TLR10: variants seen among roughly 807,000 people sequenced by gnomAD.
The protein encoded by TLR10 is toll-like receptor 10.
For missense variants in TLR10, 929 were observed against 932.9 expected, an observed-to-expected ratio of 1.00 and a Z score of 0.05; for synonymous variants, 288 against 338.8, an observed-to-expected ratio of 0.85 and a Z score of 1.65.
Position 38,774,920 on chromosome 4 carries a change from C to A in TLR10, c.671G>T (p.Gly224Val). The A allele has an allele frequency of 6.2e-7, 1 of 1,611,062 alleles. No homozygotes were observed. Among genetic ancestry groups the A allele is most frequent in the Non-Finnish European group, 8.5e-7 (1 of 1,179,030 alleles). ...TTCATAACTTACAAATTGGCTTTTG[C>A]CATCTATATTTGTCATTTCTAATAT... ...SKILEMTNIDGKSQFVSYEMQ... is the reference protein window; with the variant it reads ...SKILEMTNIDVKSQFVSYEMQ... The change falls in exon 4 of 4, where the codon GGC becomes GTC. Residue 224 changes from glycine to valine, a missense_variant. By Grantham distance (109) the Gly-to-Val change is moderately radical (BLOSUM62 -3). Coordinates refer to ENST00000308973, the MANE Select transcript of TLR10 (RefSeq NM_030956.4).
At chr4:38,776,595 C>T (rs1346823374) in intron 1 of TLR10, among the ~76,000 whole-genome samples, 169 bp from the exon 2 acceptor site, 1 of 152,176 alleles carries the variant, frequency 6.6e-6, no homozygotes, top group East Asian at 1.9e-4. Flanking sequence ...ATTCTGAGGA[C>T]TTTGGGAGAT....
rs776729948 is a variant in TLR10, at chr4:38,775,221, G to A, written c.370C>T (p.Leu124Phe). The A allele has an allele frequency of 1.4e-5, 22 of 1,612,728 alleles. No homozygotes were observed. Among genetic ancestry groups the A allele is most frequent in the Non-Finnish European group, 1.9e-5 (22 of 1,179,668 alleles). The change falls in exon 4 of 4, where the codon CTT (leucine) becomes TTT (phenylalanine). Residue 124 changes from leucine (L) to phenylalanine (F), a missense_variant. Coordinates refer to ENST00000308973, the MANE Select transcript of TLR10 (RefSeq NM_030956.4). Reference sequence around the variant, plus strand: ...ATGGTGTCAAAGTCATTAAAAGAAAGATCTAAATACCTGAGACCTGCCAGT... The same window carrying A: ...ATGGTGTCAAAGTCATTAAAAGAAAAATCTAAATACCTGAGACCTGCCAGT... ...YLLAGLRYLD[L>F]SFNDFDTMPI... is the part of the protein sequence containing the mutation.
At position 38,774,640 on chromosome 4, in the gene TLR10, A is replaced by G. The variant is rs533613507; in HGVS notation, c.951T>C (p.Asp317=). 3 of 1,573,960 alleles carry G rather than the reference A, an allele frequency of 1.9e-6. No individual in the cohort carries two copies. In the East Asian group the frequency reaches 6.7e-5, roughly 35 times the overall value. ...TTTTGGTCAAAAGCAAATAGATTTT[A>G]TCCTGTTGAATGTAAAACACTCTGA... is the stretch of plus-strand genomic sequence containing the variant. ...VHFRVFYIQQ[D]KIYLLLTKMD... is the part of the protein sequence containing the mutation. Residue 317 remains aspartate (D), a synonymous_variant, in exon 4 of 4, where the codon GAT becomes GAC. Transcript: ENST00000308973.
chr4:38,773,727 T>C lies in TLR10; in HGVS notation c.1864A>G (p.Lys622Glu). ...QCTQTWHRVR[K>E]TTQEQLKRNV... Reference sequence around the variant, plus strand: ...CTCTTGAGTTGTTCTTGGGTTGTTTTCCTAACCCTGTGCCATGTTTGTGTG... The same window carrying C: ...CTCTTGAGTTGTTCTTGGGTTGTTTCCCTAACCCTGTGCCATGTTTGTGTG... Residue 622 changes from lysine to glutamate, a missense_variant, in exon 4 of 4, where the codon AAA becomes GAA. Coordinates refer to ENST00000308973, the MANE Select transcript of TLR10 (RefSeq NM_030956.4). 3 of 1,613,972 alleles carry C rather than the reference T, an allele frequency of 1.9e-6. No homozygotes were observed. The highest frequency in any genetic ancestry group is 2.5e-6 in the Non-Finnish European group (3 of 1,179,968).
intron 1 of TLR10, among the ~76,000 whole-genome samples, chr4:38,778,438 A>AAATAAATAAATG (rs1240634100): frequency 6.7e-6 from 1 of 148,356 alleles, no homozygotes; most frequent in African/African-American, 2.6e-5. Context: ...TAAAATAAAT[A>AAATAAATAAATG]AATAAATAAA....
chr4:38,780,640 G>C (rs1490302489), intron 1 of TLR10, among the ~76,000 whole-genome samples: 4 of 143,830 alleles, frequency 2.8e-5, no homozygotes. Context: ...ATCAGGTCAA[G>C]ACTCGGGTGA....
Position 38,773,547 on chromosome 4 carries a change from T to C in TLR10, c.2044A>G (p.Ile682Val). ...FDPGKSISEN[I>V]VSFIEKSYKS... ...TAGCTTTTCTCAATGAAGCTTACAATATTTTCACTAATGCTTTTGCCAGGG... is the reference window on the plus strand; with the variant it reads ...TAGCTTTTCTCAATGAAGCTTACAACATTTTCACTAATGCTTTTGCCAGGG... The change falls in exon 4 of 4, where the codon ATT becomes GTT. Residue 682 changes from isoleucine (I) to valine (V), a missense_variant. Coordinates refer to ENST00000308973, the MANE Select transcript of TLR10 (RefSeq NM_030956.4). 6.2e-7 allele frequency: 1 copy of C among 1,609,822 alleles called. No homozygotes were observed. The highest frequency in any genetic ancestry group is 8.5e-7 in the Non-Finnish European group (1 of 1,178,352).
Position 38,773,947 on chromosome 4 carries a change from T to A in TLR10, c.1644A>T (p.Ser548=), listed in dbSNP as rs772486572. ...TYSEVMMVGW[S]DSYTCEYPLN... Reference sequence around the variant, plus strand: ...AAGGGTATTCACAGGTGTATGAATCTGACCATCCAACCATCATGACCTCTG... The same window carrying A: ...AAGGGTATTCACAGGTGTATGAATCAGACCATCCAACCATCATGACCTCTG... The change falls in exon 4 of 4, where the codon TCA becomes TCT. Residue 548 remains serine (S), a synonymous_variant. Transcript: ENST00000308973. The A allele has an allele frequency of 1.3e-6, 2 of 1,581,118 alleles. No homozygotes were observed. The highest frequency in any genetic ancestry group is 1.7e-6 in the Non-Finnish European group (2 of 1,163,308).
Position 38,773,018 on chromosome 4 carries a change from A to G in TLR10, c.*137T>C. ...GTTTCTATAGGATACATTCTTAGAA[A>G]TCCTTCTAGAAACTGATATGAAGGG... On this transcript the variant is annotated 3_prime_UTR_variant, in exon 4 of 4. Transcript: ENST00000308973. 1 of 812,886 alleles carries G rather than the reference A, an allele frequency of 1.2e-6. No individual in the cohort carries two copies. Among genetic ancestry groups the G allele is most frequent in the Middle Eastern group, 3.1e-4 (1 of 3,268 alleles). The allele number at this position is 812,886 out of a possible 1,614,324, so 50.4% of individuals were successfully genotyped here.
At position 38,772,309 on chromosome 4, in the gene TLR10, A is replaced by G. The variant is rs1275439224; in HGVS notation, c.*846T>C. ...TACAGATTCATTCTAAACAATTCAA[A>G]CATTATAGAAATACACAACATAGAA... On this transcript the variant is annotated 3_prime_UTR_variant, in exon 4 of 4. Coordinates refer to ENST00000308973, the MANE Select transcript of TLR10 (RefSeq NM_030956.4). The G allele has an allele frequency of 6.6e-6, 1 of 152,128 alleles. No homozygotes were observed. Among genetic ancestry groups the G allele is most frequent in the Non-Finnish European group, 1.5e-5 (1 of 68,018 alleles). The allele number at this position is 152,128 out of a possible 1,614,324, so 9.4% of individuals were successfully genotyped here.
Position 38,773,660 on chromosome 4 carries a change from T to G in TLR10, c.1931A>C (p.Asp644Ala). The G allele has an allele frequency of 1.9e-6, 3 of 1,610,212 alleles. No individual in the cohort carries two copies. Among genetic ancestry groups the G allele is most frequent in the Non-Finnish European group, 2.5e-6 (3 of 1,178,178 alleles). The change falls in exon 4 of 4, where the codon GAT becomes GCT. Residue 644 changes from aspartate (D) to alanine (A), a missense_variant. By Grantham distance (126) the Asp-to-Ala change is moderately radical. Transcript: ENST00000308973. ...CAATTCATTCTTCACCCACAGAGAA[T>G]CATGTTCACTGTATGAAATAAATGC... is the stretch of plus-strand genomic sequence containing the variant. ...FHAFISYSEHDSLWVKNELIP... is the reference protein window; with the variant it reads ...FHAFISYSEHASLWVKNELIP...
chr4:38,777,147 A>G (rs1221757777), intron 1 of TLR10, among the ~76,000 whole-genome samples: 1 of 152,178 alleles, frequency 6.6e-6, no homozygotes, highest in East Asian at 1.9e-4. Context: ...AGGAAAAATA[A>G]CTAAGATAAG....
At position 38,772,965 on chromosome 4, in the gene TLR10, C is replaced by T; in HGVS notation, c.*190G>A. ...ACAATCCTGGGATGAACACCTTTTT[C>T]CATAAGCCCTTATAAACTTGTGAAG... On this transcript the variant is annotated 3_prime_UTR_variant, in exon 4 of 4. Coordinates refer to ENST00000308973, the MANE Select transcript of TLR10 (RefSeq NM_030956.4). 1 of 478,430 alleles carries T rather than the reference C, an allele frequency of 2.1e-6. No homozygotes were observed. The highest frequency in any genetic ancestry group is 3.3e-6 in the Non-Finnish European group (1 of 299,242). The allele number at this position is 478,430 out of a possible 1,614,324, so 29.6% of individuals were successfully genotyped here. A position where few individuals can be genotyped will look rare whatever the true frequency, so the allele number is the denominator to read the frequency against.
At position 38,774,620 on chromosome 4, in the gene TLR10, G is replaced by A. The variant is rs1411649185; in HGVS notation, c.971C>T (p.Thr324Ile). Reference protein sequence around the residue: ...IQQDKIYLLLTKMDIENLTIS... With the variant: ...IQQDKIYLLLIKMDIENLTIS... ...TGTCAGGTTTTCTATGTCCATTTTG[G>A]TCAAAAGCAAATAGATTTTATCCTG... Residue 324 changes from threonine (T) to isoleucine (I), a missense_variant, in exon 4 of 4, where the codon ACC (threonine) becomes ATC (isoleucine). Transcript: ENST00000308973. 6 of 1,584,370 alleles carry A rather than the reference G, an allele frequency of 3.8e-6. No individual in the cohort carries two copies. Among genetic ancestry groups the A allele is most frequent in the Non-Finnish European group, 5.1e-6 (6 of 1,169,766 alleles).
intron 1 of TLR10, chr4:38,779,034 G>A (rs1283291686): frequency 6.6e-6 from 1 of 151,908 alleles, no homozygotes; most frequent in Non-Finnish European, 1.5e-5. Context: ...TTCTTGAAGT[G>A]AAGAAATTCC....
chr4:38,780,600 G>C (rs7653908), intron 1 of TLR10, among the ~76,000 whole-genome samples: 33,165 of 152,052 alleles, frequency 0.22, 3,931 homozygotes, highest in East Asian at 0.35. Context: ...ACCATGCCTA[G>C]CATATCACAC....
In TLR10 at chr4:38,780,128, C is replaced by A. The variant is rs571154808; in HGVS notation, c.-569+2793G>T. Among the ~76,000 whole-genome samples the A allele has an allele frequency of 3.3e-5, 5 of 152,250 alleles. No homozygotes were observed. The South Asian group carries it at 8.3e-4, about 25-fold the overall frequency. On this transcript the variant is annotated intron_variant, in intron 1 of 3. Transcript: ENST00000308973. ...TGAAGAATGAGTTTGGTAGGCCTGG[C>A]GCGGTGGCTCAGGCCTGTAATCCCA... is the stretch of plus-strand genomic sequence containing the variant.
chr4:38,773,327 A>T lies in TLR10; in HGVS notation c.2264T>A (p.Leu755Ter). Residue 755 changes from leucine to a stop codon, truncating the protein, a stop_gained, in exon 4 of 4, where the codon TTG becomes TAG. Coordinates refer to ENST00000308973, the MANE Select transcript of TLR10 (RefSeq NM_030956.4). LOFTEE classifies it low-confidence loss of function (END_TRUNC). ...LKALLEKKAYLEWPKDRRKCG... is the reference protein window; with the variant it reads ...LKALLEKKAY ...TTTACGCCTATCCTTGGGCCATTCC[A>T]AGTATGCTTTTTTTTCCAGGAGAGC... The T allele has an allele frequency of 6.2e-7, 1 of 1,613,804 alleles. No homozygotes were observed. The highest frequency in any genetic ancestry group is 8.5e-7 in the Non-Finnish European group (1 of 1,179,916).
intron 1 of TLR10, among the ~76,000 whole-genome samples, chr4:38,777,526 T>C (rs1367397780): frequency 6.6e-6 from 1 of 152,084 alleles, no homozygotes; most frequent in Non-Finnish European, 1.5e-5. Flanking sequence ...ACCTATAGAA[T>C]GGGAGAAAAT....
Sources: allele counts gnomAD v4.1 joint callset (sites outside exome capture counted in the v4.1 genomes callset), GRCh38; gene constraint gnomAD v4.1.1; transcripts MANE v1.5; gene names NCBI Gene and HGNC (gene_info 2026-07-23, HGNC 2026-07-21).